Variants in FGGY observed in about 807,000 individuals in gnomAD.
The protein encoded by FGGY is FGGY carbohydrate kinase domain-containing protein.
In FGGY, 72 loss-of-function variants were observed where a neutral mutation model predicts 71.3. The ratio of observed to expected loss-of-function variants is 1.01; its 90% CI spans 0.84 to 1.23. FGGY has a LOEUF of 1.23. Ranked by LOEUF, FGGY falls within the 50% of genes most tolerant of loss-of-function variation. FGGY has a pLI of 0.00. For missense variants in FGGY, 668 were observed against 682.3 expected (o/e 0.98, Z 0.23); for synonymous variants, 251 against 250.3 (o/e 1.00, Z -0.02).
At chr1:59,746,988 C>G (rs1375395790) in intron 14 of FGGY, among the ~76,000 whole-genome samples, 1 of 152,124 alleles carries the variant, frequency 6.6e-6, no homozygotes, top group East Asian at 1.9e-4. Flanking sequence ...TAATATAGTG[C>G]TAGGCCATAG....
At chr1:59,749,966 G>C (rs1406820186) in intron 14 of FGGY, among the ~76,000 whole-genome samples, 1 of 152,094 alleles carries the variant, frequency 6.6e-6, no homozygotes, top group Non-Finnish European at 1.5e-5. Flanking sequence ...ACCTAGACTG[G>C]TCCTGACTGC....
chr1:59,475,621 G>C (rs997529689), intron 6 of FGGY, among the ~76,000 whole-genome samples: 3 of 152,182 alleles, frequency 2.0e-5, no homozygotes, highest in Non-Finnish European at 4.4e-5. Flanking sequence ...CCCAAACCTA[G>C]AAGTCATTCT....
At chr1:59,448,742 G>A (rs1234965116) in intron 5 of FGGY, among the ~76,000 whole-genome samples, 4 of 152,172 alleles carry the variant, frequency 2.6e-5, no homozygotes, top group African/African-American at 4.8e-5. Context: ...GGACCCTGCT[G>A]TGGGAGGTTG....
intron 8 of FGGY, among the ~76,000 whole-genome samples, chr1:59,599,686 CAAAAAAA>C (rs76397509): frequency 2.0e-5 from 1 of 49,426 alleles, no homozygotes; most frequent in East Asian, 5.9e-4. Context: ...GAGCAAGACT[CAAAAAAA>C]AAAAAAAAAA....
intron 5 of FGGY, among the ~76,000 whole-genome samples, chr1:59,441,175 A>G (rs1296393999): frequency 2.6e-5 from 4 of 151,966 alleles, no homozygotes; most frequent in Non-Finnish European, 5.9e-5. Context: ...TAATCAAGGG[A>G]GAAGACCTAG....
At chr1:59,624,677 A>T (rs2096840592) in intron 9 of FGGY, among the ~76,000 whole-genome samples, 1 of 152,190 alleles carries the variant, frequency 6.6e-6, no homozygotes, top group Admixed American at 6.5e-5. Context: ...GGCAGGCAAG[A>T]GGGAATGAGA....
Position 59,448,587 on chromosome 1 carries a change from G to A in FGGY, c.555-8374G>A, listed in dbSNP as rs569322964. 8.1e-4 allele frequency among the ~76,000 whole-genome samples: 124 copies of A among 152,264 alleles called. No homozygotes were observed. The Middle Eastern group carries it at 0.017, about 21-fold the overall frequency. ...TTTATAATAGAAGCCATTAAAAAATGATTAGGAACCTGAAAGCTTCCTTCT... is the reference window on the plus strand; with the variant it reads ...TTTATAATAGAAGCCATTAAAAAATAATTAGGAACCTGAAAGCTTCCTTCT... On this transcript the variant is annotated intron_variant, in intron 5 of 15. Transcript: ENST00000303721.
intron 14 of FGGY, among the ~76,000 whole-genome samples, chr1:59,723,355 C>T (rs971498123): frequency 2.0e-5 from 3 of 152,170 alleles, no homozygotes; most frequent in African/African-American, 7.2e-5. Flanking sequence ...ATCATTCTAA[C>T]TCGCTCTCCT....
chr1:59,597,418 C>T (rs2096534637), intron 8 of FGGY, among the ~76,000 whole-genome samples: 2 of 152,150 alleles, frequency 1.3e-5, no homozygotes, highest in African/African-American at 2.4e-5. Context: ...TCTGAGTGAT[C>T]GTGTTGATTC....
Position 59,584,657 on chromosome 1 carries a change from A to C in FGGY, c.904-23146A>C, listed in dbSNP as rs1354204587. Among the ~76,000 whole-genome samples, 2 of 149,952 alleles carry C rather than the reference A, an allele frequency of 1.3e-5. 1 individual carries two copies. The highest frequency in any genetic ancestry group is 5.0e-5 in the African/African-American group (2 of 39,624). On this transcript the variant is annotated intron_variant, in intron 8 of 15. Transcript: ENST00000303721. ...CCACTGCTATTCAACGTAGTGTTGGAAGTTCTGGCCAGGGCAATCAGGCAG... is the reference window on the plus strand; with the variant it reads ...CCACTGCTATTCAACGTAGTGTTGGCAGTTCTGGCCAGGGCAATCAGGCAG...
intron 11 of FGGY, among the ~76,000 whole-genome samples, chr1:59,651,892 G>T (rs905374581): frequency 3.3e-5 from 5 of 151,856 alleles, no homozygotes; most frequent in African/African-American, 1.2e-4. Flanking sequence ...GGCTGGTACC[G>T]ATTGTTCCTT....
chr1:59,686,167 T>C (rs913965615), intron 14 of FGGY, among the ~76,000 whole-genome samples: 2 of 152,122 alleles, frequency 1.3e-5, no homozygotes, highest in East Asian at 1.9e-4. Context: ...GACTCAGTGA[T>C]AGAACCAAGA....
chr1:59,620,255 C>T (rs1433012653), intron 9 of FGGY, among the ~76,000 whole-genome samples: 1 of 151,770 alleles, frequency 6.6e-6, no homozygotes, highest in African/African-American at 2.4e-5. Flanking sequence ...TCTTCCTTTC[C>T]CCTCTCTCCT....
At chr1:59,738,796 A>C (rs1353479750) in intron 14 of FGGY, among the ~76,000 whole-genome samples, 1 of 152,188 alleles carries the variant, frequency 6.6e-6, no homozygotes, top group Non-Finnish European at 1.5e-5. Flanking sequence ...GTATTGGCCA[A>C]ATTTTATAAA....
intron 14 of FGGY, among the ~76,000 whole-genome samples, chr1:59,728,524 T>TA (rs1243335961): frequency 6.6e-6 from 1 of 152,066 alleles, no homozygotes; most frequent in Non-Finnish European, 1.5e-5. Flanking sequence ...GTTTTTGACC[T>TA]ATATCATTTT....
chr1:59,451,701 A>C (rs899809147), intron 5 of FGGY, among the ~76,000 whole-genome samples: 3 of 152,134 alleles, frequency 2.0e-5, no homozygotes, highest in Admixed American at 2.0e-4. Flanking sequence ...GACAGTGCTT[A>C]TGAGTTTACT....
intron 7 of FGGY, among the ~76,000 whole-genome samples, chr1:59,539,651 GT>G (rs1213579970): frequency 6.6e-6 from 1 of 152,040 alleles, no homozygotes; most frequent in Non-Finnish European, 1.5e-5. Flanking sequence ...AAAAAATAAA[GT>G]TCCTAAAAGA....
intron 8 of FGGY, among the ~76,000 whole-genome samples, chr1:59,559,115 G>C (rs574144143): frequency 6.6e-6 from 1 of 152,238 alleles, no homozygotes; most frequent in Non-Finnish European, 1.5e-5. Flanking sequence ...ACACAATAGT[G>C]GTCCTGAGGT....
intron 9 of FGGY, among the ~76,000 whole-genome samples, chr1:59,621,431 C>T (rs1216134603): frequency 7.1e-6 from 1 of 140,168 alleles, no homozygotes; most frequent in African/African-American, 2.7e-5. Flanking sequence ...TTTTCCCAAG[C>T]CTAAAGAACT....
Sources: gnomAD v4.1 joint callset for allele counts (sites outside exome capture counted in the v4.1 genomes callset) on GRCh38, gnomAD v4.1.1 for gene constraint, MANE v1.5 for transcripts, NCBI Gene and HGNC (gene_info 2026-07-23, HGNC 2026-07-21) for gene names.